The following NUFIP2 variants were observed in gnomAD, a reference collection of about 807,000 sequenced individuals.
NUFIP2 encodes the protein FMR1-interacting protein NUFIP2.
Under a neutral mutation model 56.9 loss-of-function variants are expected in NUFIP2, and 6 were observed. That is an observed-to-expected ratio of 0.11 (90% CI 0.06 to 0.21). The LOEUF (loss-of-function observed/expected upper bound fraction) is 0.21, where lower values mean the gene tolerates loss of function less well. Among genes scored for constraint, NUFIP2 ranks in the 10% least tolerant of loss-of-function variants. NUFIP2 has a pLI of 1.00. For synonymous variants in NUFIP2, 321 were observed against 298.2 expected (o/e 1.08, Z -0.79); for missense variants, 828 against 826.8 (o/e 1.00, Z -0.02).
intron 1 of NUFIP2, among the ~76,000 whole-genome samples, chr17:29,289,253 T>C (rs1403768103): frequency 1.3e-5 from 2 of 152,244 alleles, no homozygotes; most frequent in Non-Finnish European, 2.9e-5. Context: ...GTTATCTACC[T>C]TTTTATGAAA....
At position 29,286,815 on chromosome 17, in the gene NUFIP2, T is replaced by G; in HGVS notation, c.1179A>C (p.Gln393His). Residue 393 changes from glutamine (Q) to histidine (H), a missense_variant, in exon 2 of 4, where the codon CAA becomes CAC. Gln to His is a conservative substitution (Grantham distance 24). Coordinates refer to ENST00000225388, the MANE Select transcript of NUFIP2 (RefSeq NM_020772.3). ...GGACCTGGGATAAGCGACTTGATGA[T>G]TGGGTCTGAGTTTCCCCGGTAGATG... is the stretch of plus-strand genomic sequence containing the variant. ...SSSSTGETQT[Q>H]SSSRLSQVPM... 1.9e-6 allele frequency: 3 copies of G among 1,614,180 alleles called. No homozygotes were observed. Among genetic ancestry groups the G allele is most frequent in the Non-Finnish European group, 2.5e-6 (3 of 1,180,038 alleles).
intron 2 of NUFIP2, among the ~76,000 whole-genome samples, chr17:29,283,734 C>A (rs1479589546): frequency 6.6e-6 from 1 of 152,170 alleles, no homozygotes; most frequent in Non-Finnish European, 1.5e-5. Flanking sequence ...TACCAAAAAA[C>A]CCAACTCTCC....
In NUFIP2 at chr17:29,262,084, GC is replaced by G. The variant is rs2069006503; in HGVS notation, c.*2454del. 1 of 152,218 alleles carries G rather than the reference GC, an allele frequency of 6.6e-6. No homozygotes were observed. The highest frequency in any genetic ancestry group is 2.4e-5 in the African/African-American group (1 of 41,436). The allele number at this position is 152,218 out of a possible 1,614,324, so 9.4% of individuals were successfully genotyped here. ...TCAAGTGTTGCTTCTAAGTTAAAAA[GC>G]CCAATTCAGGTGGGGTCTGGGTTTG... On this transcript the variant is annotated 3_prime_UTR_variant, in exon 4 of 4. Transcript: ENST00000225388.
At chr17:29,270,520 T>G (rs1169661540) in intron 2 of NUFIP2, among the ~76,000 whole-genome samples, 1 of 151,966 alleles carries the variant, frequency 6.6e-6, no homozygotes. Context: ...TTGGTTGACC[T>G]ACTGCAAAAA....
chr17:29,294,145 A>G lies in NUFIP2; in HGVS notation c.-86T>C, dbSNP rs1411719259. 2.0e-6 allele frequency: 3 copies of G among 1,464,774 alleles called. No individual in the cohort carries two copies. In the Admixed American group the frequency reaches 6.7e-5, roughly 33 times the overall value. 90.7% of individuals were successfully genotyped at this position (1,464,774 alleles called of 1,614,324 possible). A position where few individuals can be genotyped will look rare whatever the true frequency, so the allele number is the denominator to read the frequency against. On this transcript the variant is annotated 5_prime_UTR_variant, in exon 1 of 4. Coordinates refer to ENST00000225388, the MANE Select transcript of NUFIP2 (RefSeq NM_020772.3). ...CTGCTTCTCAGGGCTCACTCAGTAT[A>G]TCTGAGCGCGTCTCGCCAGCGCACT...
At chr17:29,273,563 T>C (rs1395886823) in intron 2 of NUFIP2, among the ~76,000 whole-genome samples, 1 of 152,106 alleles carries the variant, frequency 6.6e-6, no homozygotes, top group Non-Finnish European at 1.5e-5. Context: ...CAGTTCTTTT[T>C]GAAGAGTGAT....
intron 2 of NUFIP2, 90 bp from the exon 3 acceptor site, chr17:29,267,620 T>C (rs1214379185): frequency 2.6e-6 from 2 of 767,850 alleles, no homozygotes; most frequent in African/African-American, 3.6e-5. Flanking sequence ...AATCCTAGAC[T>C]GATTACTGCC....
At position 29,287,494 on chromosome 17, in the gene NUFIP2, G is replaced by A; in HGVS notation, c.500C>T (p.Ser167Phe). 1.2e-6 allele frequency: 2 copies of A among 1,613,916 alleles called. No homozygotes were observed. The highest frequency in any genetic ancestry group is 3.3e-5 in the Admixed American group (2 of 59,982). ...ATTCTCTCCAGATTTATTTTCATAA[G>A]ACTTCCCATTCTTTTTGTCCATACT... ...KNSMDKKNGK[S>F]YENKSGENQS... The change falls in exon 2 of 4, where the codon TCT (serine) becomes TTT (phenylalanine). Residue 167 changes from serine (S) to phenylalanine (F), a missense_variant. Ser to Phe is a radical substitution (Grantham distance 155). This residue lies in a region of NUFIP2 where 415 missense variants were observed against 408.7 expected (regional missense o/e 1.02). Transcript: ENST00000225388.
chr17:29,272,389 T>C (rs1403136452), intron 2 of NUFIP2, among the ~76,000 whole-genome samples: 7 of 151,758 alleles, frequency 4.6e-5, no homozygotes, highest in Admixed American at 3.9e-4. Context: ...TACAGGCGCA[T>C]GCCACCAAGC....
chr17:29,276,499 AT>A (rs752433527), intron 2 of NUFIP2, among the ~76,000 whole-genome samples: 9 of 151,922 alleles, frequency 5.9e-5, no homozygotes, highest in Admixed American at 1.3e-4. Context: ...TGCCTGGCTA[AT>A]TTTTGTATAT....
At position 29,286,881 on chromosome 17, in the gene NUFIP2, C is replaced by T. The variant is rs1199639236; in HGVS notation, c.1113G>A (p.Gln371=). The T allele has an allele frequency of 6.2e-7, 1 of 1,614,154 alleles. No individual in the cohort carries two copies. Among genetic ancestry groups the T allele is most frequent in the African/African-American group, 1.3e-5 (1 of 75,042 alleles). ...KVKENLNKTI[Q]NSSVSPTSSS... ...ATGAAGTTGGTGACACAGAAGAGTT[C>T]TGTATAGTTTTGTTGAGGTTTTCCT... is the stretch of plus-strand genomic sequence containing the variant. The change falls in exon 2 of 4, where the codon CAG becomes CAA. Residue 371 remains glutamine, a synonymous_variant. Transcript: ENST00000225388.
rs2069058231 is a variant in NUFIP2 at position 29,269,402 on chromosome 17, A to AT, written c.2003-1873dup. Among the ~76,000 whole-genome samples, 11 of 152,142 alleles carry AT rather than the reference A, an allele frequency of 7.2e-5. No individual in the cohort carries two copies. The South Asian group carries it at 2.3e-3, about 32-fold the overall frequency. ...AATAAGATACAGATCTAAAATTATTATTTTCTGATTGTATGTGTATAAATA... is the reference window on the plus strand; with the variant it reads ...AATAAGATACAGATCTAAAATTATTATTTTTCTGATTGTATGTGTATAAATA... On this transcript the variant is annotated intron_variant, in intron 2 of 3. Coordinates refer to ENST00000225388, the MANE Select transcript of NUFIP2 (RefSeq NM_020772.3).
At chr17:29,273,720 A>G (rs2069090554) in intron 2 of NUFIP2, among the ~76,000 whole-genome samples, 1 of 152,232 alleles carries the variant, frequency 6.6e-6, no homozygotes, top group South Asian at 2.1e-4. Context: ...TGCTCTTAAG[A>G]TATACCAAGT....
chr17:29,287,250 C>T lies in NUFIP2; in HGVS notation c.744G>A (p.Glu248=), dbSNP rs747830824. 6.2e-7 allele frequency: 1 copy of T among 1,614,152 alleles called. No individual in the cohort carries two copies. The highest frequency in any genetic ancestry group is 1.7e-5 in the Admixed American group (1 of 60,016). Residue 248 remains glutamate, a synonymous_variant, in exon 2 of 4, where the codon GAG becomes GAA. Transcript: ENST00000225388. The stretch of plus-strand genomic sequence containing the variant: ...CCTGTTTTAAGGTTGGGACACTGGT[C>T]TCTTGTTGCATTATTTTGTCCTGCA... ...NIVQDKIMQQ[E]TSVPTLKQGL... is the part of the protein sequence containing the mutation.
In NUFIP2 at chr17:29,258,472, A is replaced by C. The variant is rs368519635; in HGVS notation, c.*6067T>G. On this transcript the variant is annotated 3_prime_UTR_variant, in exon 4 of 4. Transcript: ENST00000225388. ...AAATAAGTCCCCAGCTTACATAGAC[A>C]AATGTTTTCTAAAAGATCAGCAACA... The C allele has an allele frequency of 3.9e-5, 6 of 152,190 alleles. No individual in the cohort carries two copies. The highest frequency in any genetic ancestry group is 3.8e-4 in the East Asian group (2 of 5,198). 9.4% of individuals were successfully genotyped at this position (152,190 alleles called of 1,614,324 possible).
chr17:29,256,545 T>TA lies in NUFIP2; in HGVS notation c.*7993dup, dbSNP rs1011502094. 23 of 152,244 alleles carry TA rather than the reference T, an allele frequency of 1.5e-4. No individual in the cohort carries two copies. Among genetic ancestry groups the TA allele is most frequent in the African/African-American group, 5.5e-4 (23 of 41,544 alleles). 9.4% of individuals were successfully genotyped at this position (152,244 alleles called of 1,614,324 possible). A position where few individuals can be genotyped will look rare whatever the true frequency, so the allele number is the denominator to read the frequency against. On this transcript the variant is annotated 3_prime_UTR_variant, in exon 4 of 4. Coordinates refer to ENST00000225388, the MANE Select transcript of NUFIP2 (RefSeq NM_020772.3). ...GATGAAGAAGTAACCCTCTTCTGTA[T>TA]ATTGAAAAAGCTATAAAATGGAAAT...
chr17:29,285,923 AT>A, intron 2 of NUFIP2, 68 bp downstream of exon 2: 1 of 1,206,570 alleles, frequency 8.3e-7, no homozygotes. Context: ...TTCTCTTAAA[AT>A]TCTCTTAATA....
At chr17:29,282,796 AAAT>A in intron 2 of NUFIP2, among the ~76,000 whole-genome samples, 1 of 152,294 alleles carries the variant, frequency 6.6e-6, no homozygotes, top group African/African-American at 2.4e-5. Context: ...AGCACAAAGA[AAAT>A]AATACAGATG....
chr17:29,293,334 G>A (rs1313512831), intron 1 of NUFIP2, among the ~76,000 whole-genome samples: 1 of 151,886 alleles, frequency 6.6e-6, no homozygotes, highest in Non-Finnish European at 1.5e-5. Context: ...ACTCCTCGCC[G>A]CCTGCAAAAG....
Sources: allele counts gnomAD v4.1 joint callset (sites outside exome capture counted in the v4.1 genomes callset), GRCh38; gene constraint gnomAD v4.1.1; regional missense constraint gnomAD v4.1.1; transcripts MANE v1.5; gene names NCBI Gene and HGNC (gene_info 2026-07-23, HGNC 2026-07-21).